Variants in PARP6 observed in about 807,000 individuals in gnomAD.
PARP6 encodes the protein poly(ADP-ribose) polymerase family member 6.
PARP6 carries 27 observed loss-of-function variants against 92.0 expected under a neutral mutation model. The ratio of observed to expected loss-of-function variants is 0.29; its 90% CI spans 0.22 to 0.40. The LOEUF (loss-of-function observed/expected upper bound fraction) is 0.40, where lower values mean the gene tolerates loss of function less well. Ranked by LOEUF, PARP6 falls within the 10% of genes least tolerant of loss-of-function variation. The pLI is 1.00. For missense variants in PARP6, 501 were observed against 784.5 expected, an observed-to-expected ratio of 0.64 and a Z score of 4.32; for synonymous variants, 272 against 281.2, an observed-to-expected ratio of 0.97 and a Z score of 0.33.
At position 72,241,410 on chromosome 15, in the gene PARP6, G is replaced by A. The variant is rs1044132; in HGVS notation, c.*45C>T. The A allele has an allele frequency of 7.3e-7, 1 of 1,362,032 alleles. No individual in the cohort carries two copies. Among genetic ancestry groups the A allele is most frequent in the African/African-American group, 1.4e-5 (1 of 70,208 alleles). The allele number at this position is 1,362,032 out of a possible 1,614,324, so 84.4% of individuals were successfully genotyped here. On this transcript the variant is annotated 3_prime_UTR_variant, in exon 24 of 24. Coordinates refer to ENST00000569795, the MANE Select transcript of PARP6 (RefSeq NM_001323532.2). This position sits in a 1 kb window ranked among gnomAD's most constrained non-coding sequence, Gnocchi z 4.1. ...GTACCTGAACACTTTTATGAGGGCA[G>A]ATGGATCCTGGGGTAACAGGGGTGG...
rs182728597 is a variant in PARP6, at chr15:72,263,892, G to A, written c.395+663C>T. On this transcript the variant is annotated intron_variant, in intron 8 of 23. Coordinates refer to ENST00000569795, the MANE Select transcript of PARP6 (RefSeq NM_001323532.2). Reference sequence around the variant, plus strand: ...ACAAAAATTAGCCGGGCATGGTGGTGGGTGACTGTAATCCCAGCTACTTAG... The same window carrying A: ...ACAAAAATTAGCCGGGCATGGTGGTAGGTGACTGTAATCCCAGCTACTTAG... Among the ~76,000 whole-genome samples, 550 of 151,928 alleles carry A rather than the reference G, an allele frequency of 3.6e-3. 4 individuals carry two copies. Among genetic ancestry groups the A allele is most frequent in the Non-Finnish European group, 5.8e-3 (395 of 67,946 alleles).
intron 2 of PARP6, among the ~76,000 whole-genome samples, chr15:72,269,183 CAG>C (rs1269194885): frequency 1.3e-5 from 2 of 152,118 alleles, no homozygotes; most frequent in Non-Finnish European, 2.9e-5. Context: ...TGTTTTCTGA[CAG>C]AGTTTCGCTG....
chr15:72,251,308 T>C, intron 16 of PARP6, 53 bp from the exon 17 acceptor site: 1 of 1,159,994 alleles, frequency 8.6e-7, no homozygotes. Context: ...GTATTTAAGC[T>C]ATCCTTTCTG....
rs2083065189 is a variant in PARP6, at chr15:72,241,593, A to C, written c.1791-36T>G. 1 of 1,440,382 alleles carries C rather than the reference A, an allele frequency of 6.9e-7. No individual in the cohort carries two copies. Among genetic ancestry groups the C allele is most frequent in the Non-Finnish European group, 9.8e-7 (1 of 1,021,580 alleles). The allele number at this position is 1,440,382 out of a possible 1,614,324, so 89.2% of individuals were successfully genotyped here. A position where few individuals can be genotyped will look rare whatever the true frequency, so the allele number is the denominator to read the frequency against. On this transcript the variant is annotated intron_variant, in intron 23 of 23. Transcript: ENST00000569795. This position sits in a 1 kb window ranked among gnomAD's most constrained non-coding sequence, Gnocchi z 4.1. ...TAGGGCAAGTGTGAGCATAAGAGGG[A>C]GAACAATACCAGAATAACATCAATC... is the stretch of plus-strand genomic sequence containing the variant.
chr15:72,259,980 A>G (rs897476401), intron 10 of PARP6, among the ~76,000 whole-genome samples: 4 of 152,206 alleles, frequency 2.6e-5, no homozygotes, highest in African/African-American at 7.2e-5. Flanking sequence ...TTCATGGCCT[A>G]TCAGAGAAGC....
chr15:72,248,888 GT>G (rs576425166), intron 20 of PARP6, among the ~76,000 whole-genome samples: 120 of 152,290 alleles, frequency 7.9e-4, no homozygotes, highest in African/African-American at 2.8e-3. Context: ...GCCTTCAGAT[GT>G]TTTCACATGT....
At chr15:72,265,840 T>C in intron 5 of PARP6, 57 bp downstream of exon 5, 1 of 1,174,726 alleles carries the variant, frequency 8.5e-7, no homozygotes, top group Non-Finnish European at 1.3e-6. Flanking sequence ...CTCTAGCCTT[T>C]TAACAACTCA....
At position 72,257,389 on chromosome 15, in the gene PARP6, C is replaced by T; in HGVS notation, c.958G>A (p.Val320Ile). The T allele has an allele frequency of 1.9e-6, 3 of 1,614,068 alleles. No individual in the cohort carries two copies. The highest frequency in any genetic ancestry group is 2.5e-6 in the Non-Finnish European group (3 of 1,179,948). The change falls in exon 13 of 24, where the codon GTC (valine) becomes ATC (isoleucine). Residue 320 changes from valine to isoleucine, a missense_variant. Physicochemically the swap from Val to Ile is conservative, Grantham distance 29. Coordinates refer to ENST00000569795, the MANE Select transcript of PARP6 (RefSeq NM_001323532.2). ...ACCTCCTCTGCAGCTCCAGACATGA[C>T]GCCCAGTGTGTAGAAGGAGAAAACG... ...LCVFSFYTLG[V>I]MSGAAEEVAT... is the part of the protein sequence containing the mutation.
intron 7 of PARP6, 44 bp downstream of exon 7, chr15:72,265,037 G>C (rs751622521): frequency 9.3e-6 from 12 of 1,290,264 alleles, no homozygotes; most frequent in Non-Finnish European, 1.1e-5. Context: ...CTTTGGATTA[G>C]ACCACACTCA....
chr15:72,263,749 C>T (rs78198556), intron 8 of PARP6, among the ~76,000 whole-genome samples: 3,988 of 152,232 alleles, frequency 0.026, 140 homozygotes, highest in East Asian at 0.16. Flanking sequence ...TGGCTGGGTG[C>T]GGTGGCTCAC....
chr15:72,247,503 T>C (rs116503971), intron 20 of PARP6, among the ~76,000 whole-genome samples: 2,277 of 152,308 alleles, frequency 0.015, 54 homozygotes, highest in African/African-American at 0.052. Context: ...GTCAAATTTA[T>C]CAATCTTTTA....
intron 10 of PARP6, 29 bp downstream of exon 10, chr15:72,260,449 C>T (rs903287253): frequency 1.3e-6 from 2 of 1,578,976 alleles, no homozygotes; most frequent in African/African-American, 2.7e-5. Context: ...CTCCTGATAG[C>T]CAAGTCAAAC....
At chr15:72,250,793 G>A (rs1483191600) in intron 18 of PARP6, 52 bp downstream of exon 18, 2 of 890,434 alleles carry the variant, frequency 2.2e-6, no homozygotes, top group Non-Finnish European at 3.6e-6. Context: ...CATCCTTCTT[G>A]CTCATCCCCG....
chr15:72,256,121 G>A (rs1468142743), intron 14 of PARP6, among the ~76,000 whole-genome samples: 1 of 152,086 alleles, frequency 6.6e-6, no homozygotes, highest in Non-Finnish European at 1.5e-5. Context: ...ATAATGATCT[G>A]CAAAATAAAT....
Position 72,272,513 on chromosome 15 carries a change from G to C in PARP6, c.-580C>G, listed in dbSNP as rs1300434130. On this transcript the variant is annotated 5_prime_UTR_variant, in exon 1 of 24. Coordinates refer to ENST00000569795, the MANE Select transcript of PARP6 (RefSeq NM_001323532.2). ...CTGGCGAGTACTCACGGCGACCCCG[G>C]GCCGCGCGCGGCCGCAGCCGACGGG... 1 of 150,832 alleles carries C rather than the reference G, an allele frequency of 6.6e-6. No homozygotes were observed. Among genetic ancestry groups the C allele is most frequent in the Non-Finnish European group, 1.5e-5 (1 of 67,564 alleles). 9.3% of individuals were successfully genotyped at this position (150,832 alleles called of 1,614,324 possible).
At chr15:72,270,205 A>G (rs1410287081) in intron 2 of PARP6, among the ~76,000 whole-genome samples, 1 of 152,170 alleles carries the variant, frequency 6.6e-6, no homozygotes, top group African/African-American at 2.4e-5. Flanking sequence ...GTATAACTAA[A>G]GTTCTTAGAG....
At position 72,241,402 on chromosome 15, in the gene PARP6, T is replaced by A; in HGVS notation, c.*53A>T. ...CAGCTGCTGTACCTGAACACTTTTA[T>A]GAGGGCAGATGGATCCTGGGGTAAC... On this transcript the variant is annotated 3_prime_UTR_variant, in exon 24 of 24. Transcript: ENST00000569795. The surrounding 1 kb of genome is among the most constrained non-coding windows in gnomAD (Gnocchi z 4.1). 2 of 1,272,076 alleles carry A rather than the reference T, an allele frequency of 1.6e-6. No individual in the cohort carries two copies. Among genetic ancestry groups the A allele is most frequent in the Non-Finnish European group, 2.3e-6 (2 of 869,562 alleles). The allele number at this position is 1,272,076 out of a possible 1,614,324, so 78.8% of individuals were successfully genotyped here.
In PARP6 at chr15:72,264,548, T is replaced by G. The variant is rs551132558; in HGVS notation, c.395+7A>C. 3.1e-6 allele frequency: 5 copies of G among 1,610,610 alleles called. No homozygotes were observed. The highest frequency in any genetic ancestry group is 4.2e-6 in the Non-Finnish European group (5 of 1,177,148). ...TGTCCATGACCAGAAAAGACCAAAG[T>G]TCTTACTTTTTCAACTGAAGACCCA... On this transcript the variant is annotated splice_region_variant and intron_variant, in intron 8 of 23. Transcript: ENST00000569795.
chr15:72,264,201 G>C (rs1025081861), intron 8 of PARP6, among the ~76,000 whole-genome samples: 1 of 152,062 alleles, frequency 6.6e-6, no homozygotes, highest in Non-Finnish European at 1.5e-5. Context: ...CAAATACCTA[G>C]CTTAATGCTC....
Sources: allele counts gnomAD v4.1 joint callset (sites outside exome capture counted in the v4.1 genomes callset), GRCh38; gene constraint gnomAD v4.1.1; non-coding constraint Gnocchi (gnomAD v3.1); transcripts MANE v1.5; gene names NCBI Gene and HGNC (gene_info 2026-07-23, HGNC 2026-07-21).